The following SYNPR variants were observed in gnomAD, a reference collection of about 807,000 sequenced individuals.
SYNPR encodes the protein synaptoporin.
A neutral mutation model predicts 32.9 loss-of-function variants in SYNPR; 23 were observed. The ratio of observed to expected loss-of-function variants is 0.70; its 90% CI spans 0.50 to 0.99. SYNPR has a LOEUF of 0.99. Among genes scored for constraint, SYNPR ranks in the 50% least tolerant of loss-of-function variants. SYNPR has a pLI of 0.00. For missense variants in SYNPR, 318 were observed against 349.3 expected (o/e 0.91, Z 0.71); for synonymous variants, 146 against 135.9 (o/e 1.07, Z -0.52).
chr3:63,583,754 A>G (rs537438104), intron 4 of SYNPR, among the ~76,000 whole-genome samples: 1 of 152,256 alleles, frequency 6.6e-6, no homozygotes, highest in African/African-American at 2.4e-5. Flanking sequence ...CCAACATATG[A>G]ATAGGATTCC....
chr3:63,381,686 C>T (rs1023305475), intron 2 of SYNPR, among the ~76,000 whole-genome samples: 1 of 152,080 alleles, frequency 6.6e-6, no homozygotes, highest in African/African-American at 2.4e-5. Context: ...TATATTTGGA[C>T]CATTTACATT....
At chr3:63,288,661 C>T (rs529396259) in intron 2 of SYNPR, among the ~76,000 whole-genome samples, 1 of 152,354 alleles carries the variant, frequency 6.6e-6, no homozygotes, top group East Asian at 1.9e-4. Flanking sequence ...CTCAAACCCA[C>T]ATGTACTTCA....
chr3:63,419,918 C>T (rs755182762), intron 2 of SYNPR, among the ~76,000 whole-genome samples: 1 of 152,140 alleles, frequency 6.6e-6, no homozygotes, highest in Non-Finnish European at 1.5e-5. Context: ...GGTGAAGATT[C>T]CAGTTTTTTC....
At chr3:63,416,006 T>C (rs576363567) in intron 2 of SYNPR, among the ~76,000 whole-genome samples, 1 of 152,314 alleles carries the variant, frequency 6.6e-6, no homozygotes, top group East Asian at 1.9e-4. Context: ...AAACAAGGCA[T>C]CTACTTATTC....
chr3:63,576,315 T>C (rs1702978825), intron 4 of SYNPR, among the ~76,000 whole-genome samples: 3 of 152,154 alleles, frequency 2.0e-5, no homozygotes, highest in Admixed American at 2.0e-4. Flanking sequence ...AAATACCAAA[T>C]GATAATTTAT....
At chr3:63,466,333 C>T (rs1309443454) in intron 2 of SYNPR, among the ~76,000 whole-genome samples, 3 of 151,874 alleles carry the variant, frequency 2.0e-5, no homozygotes, top group Non-Finnish European at 2.9e-5. Context: ...CCCTAGAGAA[C>T]TTCTCAGGGC....
intron 2 of SYNPR, among the ~76,000 whole-genome samples, chr3:63,358,824 C>T (rs557398785): frequency 6.6e-6 from 1 of 152,260 alleles, no homozygotes; most frequent in Non-Finnish European, 1.5e-5. Flanking sequence ...GGAAACTAAT[C>T]CTAGTTAAGA....
chr3:63,539,913 G>C (rs1702269530), intron 3 of SYNPR, among the ~76,000 whole-genome samples: 1 of 152,068 alleles, frequency 6.6e-6, no homozygotes, highest in African/African-American at 2.4e-5. Context: ...CAGGGTTTTA[G>C]GGCTGAATCC....
At chr3:63,596,229 T>A (rs1699957419) in intron 4 of SYNPR, among the ~76,000 whole-genome samples, 2 of 149,892 alleles carry the variant, frequency 1.3e-5, no homozygotes, top group South Asian at 4.2e-4. Context: ...TGCTCCCCTC[T>A]CCTCACTCTC....
At chr3:63,285,864 T>TA (rs1472794922) in intron 2 of SYNPR, among the ~76,000 whole-genome samples, 2 of 152,232 alleles carry the variant, frequency 1.3e-5, no homozygotes, top group Non-Finnish European at 2.9e-5. Context: ...TTTAATGATT[T>TA]ATCCAAGTAA....
At chr3:63,409,641 C>G (rs1575629962) in intron 2 of SYNPR, among the ~76,000 whole-genome samples, 1 of 152,130 alleles carries the variant, frequency 6.6e-6, no homozygotes, top group Non-Finnish European at 1.5e-5. Context: ...TATTGTTCTT[C>G]AGATATGTAT....
chr3:63,429,216 C>T (rs543227491), intron 2 of SYNPR, among the ~76,000 whole-genome samples: 90 of 152,196 alleles, frequency 5.9e-4, no homozygotes, highest in Non-Finnish European at 1.0e-3. Context: ...ATAAGATCAA[C>T]AACTACATTA....
rs373116427 is a variant in SYNPR, at chr3:63,524,389, T to A, written c.210-32154T>A. On this transcript the variant is annotated intron_variant, in intron 3 of 5. Coordinates refer to ENST00000478300, the MANE Select transcript of SYNPR (RefSeq NM_001130003.2). Reference sequence around the variant, plus strand: ...GTCTGCAGGGCATGTGCTACCCATATCCCCTGGTTCAGTGTCTTTCAGGAT... The same window carrying A: ...GTCTGCAGGGCATGTGCTACCCATAACCCCTGGTTCAGTGTCTTTCAGGAT... Among the ~76,000 whole-genome samples the A allele has an allele frequency of 2.4e-4, 37 of 152,222 alleles. No homozygotes were observed. In the South Asian group the frequency reaches 4.4e-3, roughly 18 times the overall value.
At chr3:63,245,797 C>T (rs991483285) in intron 1 of SYNPR, among the ~76,000 whole-genome samples, 2 of 150,990 alleles carry the variant, frequency 1.3e-5, no homozygotes, top group African/African-American at 2.4e-5. Context: ...TTAGCACCCT[C>T]TTCTGGGTGA....
At chr3:63,529,445 G>A (rs1473372533) in intron 3 of SYNPR, among the ~76,000 whole-genome samples, 2 of 152,150 alleles carry the variant, frequency 1.3e-5, no homozygotes, top group Non-Finnish European at 2.9e-5. Flanking sequence ...TGGAGCCCAG[G>A]TACAGGGAGG....
Position 63,278,341 on chromosome 3 carries a change from G to C in SYNPR, c.-193G>C, listed in dbSNP as rs868332288. ...CTGACTCGCTTCGCTTCCCCGACGC[G>C]CTGGGTTCCCGGAGCGCAGAGCCCA... On this transcript the variant is annotated 5_prime_UTR_variant, in exon 1 of 6. Coordinates refer to ENST00000478300, the MANE Select transcript of SYNPR (RefSeq NM_001130003.2). 1.5e-6 allele frequency: 1 copy of C among 655,610 alleles called. No individual in the cohort carries two copies. Among genetic ancestry groups the C allele is most frequent in the African/African-American group, 1.8e-5 (1 of 54,398 alleles). The allele number at this position is 655,610 out of a possible 1,614,324, so 40.6% of individuals were successfully genotyped here.
At chr3:63,497,701 G>A (rs183542070) in intron 3 of SYNPR, among the ~76,000 whole-genome samples, 1 of 152,018 alleles carries the variant, frequency 6.6e-6, no homozygotes, top group Non-Finnish European at 1.5e-5. Flanking sequence ...GACTGATAAA[G>A]CTTAGTGTTT....
intron 2 of SYNPR, among the ~76,000 whole-genome samples, chr3:63,380,747 CAT>C (rs1257931573): frequency 6.6e-6 from 1 of 152,122 alleles, no homozygotes; most frequent in Non-Finnish European, 1.5e-5. Flanking sequence ...GCTGGTTCAA[CAT>C]ATGCAAATCA....
upstream of SYNPR, among the ~76,000 whole-genome samples, chr3:63,226,520 C>A (rs1244553282): frequency 6.6e-6 from 1 of 152,024 alleles, no homozygotes; most frequent in Non-Finnish European, 1.5e-5. Context: ...ACTATTCAGC[C>A]ATAAAAAGAA....
Sources: allele counts gnomAD v4.1 joint callset (sites outside exome capture counted in the v4.1 genomes callset), GRCh38; gene constraint gnomAD v4.1.1; transcripts MANE v1.5; gene names NCBI Gene and HGNC (gene_info 2026-07-23, HGNC 2026-07-21).